NPAS3: variants seen among roughly 807,000 people sequenced by gnomAD.
The protein encoded by NPAS3 is neuronal PAS domain protein 3.
NPAS3 carries 14 observed loss-of-function variants against 73.1 expected under a neutral mutation model. The observed-to-expected ratio is 0.19, with a 90% CI of 0.13 to 0.30. NPAS3 has a LOEUF of 0.30. NPAS3 is among the 10% of genes least tolerant of loss of function. The pLI is 1.00. For missense variants in NPAS3, 1,096 were observed against 1,250.0 expected (o/e 0.88, Z 1.86); for synonymous variants, 620 against 541.5 (o/e 1.14, Z -2.01).
rs1455988699 is a variant in NPAS3 at position 33,734,479 on chromosome 14, C to T, written c.734-735C>T. ...GTACATAAAAGGAAAGAGTGACTAT[C>T]TTGTTTAAGAGAGAAAATCATTATT... On this transcript the variant is annotated intron_variant, in intron 6 of 11. Coordinates refer to ENST00000356141, the Ensembl canonical transcript of NPAS3. 7.9e-5 allele frequency among the ~76,000 whole-genome samples: 12 copies of T among 151,998 alleles called. No homozygotes were observed. The East Asian group carries it at 2.3e-3, about 29-fold the overall frequency.
At chr14:33,794,610 A>ATTT (rs5807747) in intron 10 of NPAS3, among the ~76,000 whole-genome samples, 62,280 of 143,006 alleles carry the variant, frequency 0.44, 14,281 homozygotes, top group East Asian at 0.53. Context: ...AATGAAGGCA[A>ATTT]TTTTTTTTTT....
At chr14:33,640,324 G>C (rs981514046) in intron 5 of NPAS3, among the ~76,000 whole-genome samples, 3 of 152,056 alleles carry the variant, frequency 2.0e-5, no homozygotes, top group Admixed American at 2.0e-4. Context: ...AAAACACATT[G>C]TACCCATCAG....
At chr14:32,974,657 T>C (rs1476971122) in intron 1 of NPAS3, among the ~76,000 whole-genome samples, 5 of 152,172 alleles carry the variant, frequency 3.3e-5, no homozygotes, top group Non-Finnish European at 5.9e-5. Context: ...TTAGTCTCTT[T>C]CACATGGATA....
chr14:33,402,716 T>C (rs930818841), intron 4 of NPAS3, among the ~76,000 whole-genome samples: 2 of 152,196 alleles, frequency 1.3e-5, no homozygotes, highest in African/African-American at 4.8e-5. Flanking sequence ...CTATAGTTCT[T>C]ATTTTTATTC....
chr14:33,469,606 A>G (rs867575563), intron 4 of NPAS3, among the ~76,000 whole-genome samples: 1 of 152,204 alleles, frequency 6.6e-6, no homozygotes, highest in South Asian at 2.1e-4. Flanking sequence ...ATTCTAGGAT[A>G]AGGAAAAAAT....
At chr14:33,773,369 G>A (rs1471384330) in intron 7 of NPAS3, among the ~76,000 whole-genome samples, 1 of 152,158 alleles carries the variant, frequency 6.6e-6, no homozygotes, top group Non-Finnish European at 1.5e-5. Context: ...CACTATAGCA[G>A]AGTCGTGGGA....
chr14:33,534,016 C>G (rs2054152251), intron 4 of NPAS3, among the ~76,000 whole-genome samples: 2 of 151,970 alleles, frequency 1.3e-5, no homozygotes, highest in Non-Finnish European at 2.9e-5. Context: ...GTTACCAAAT[C>G]TTTTTGTCAT....
At chr14:33,519,222 C>T (rs191151511) in intron 4 of NPAS3, among the ~76,000 whole-genome samples, 83 of 152,216 alleles carry the variant, frequency 5.5e-4, no homozygotes, top group Middle Eastern at 3.4e-3. Context: ...TCCTTTTGTG[C>T]GAGTTTCCCT....
chr14:33,579,343 T>A (rs747622707), intron 5 of NPAS3, among the ~76,000 whole-genome samples: 13 of 152,208 alleles, frequency 8.5e-5, no homozygotes, highest in Non-Finnish European at 1.6e-4. Context: ...CCTTTACAGC[T>A]AGAGAAGCAT....
intron 5 of NPAS3, among the ~76,000 whole-genome samples, chr14:33,674,424 C>A (rs1331258783): frequency 6.6e-6 from 1 of 152,214 alleles, no homozygotes; most frequent in Non-Finnish European, 1.5e-5. Flanking sequence ...AACAAAATAA[C>A]CATCATCAAG....
At chr14:33,545,396 G>A (rs1566990432) in intron 4 of NPAS3, among the ~76,000 whole-genome samples, 2 of 152,132 alleles carry the variant, frequency 1.3e-5, no homozygotes, top group African/African-American at 2.4e-5. Context: ...TTATATACCT[G>A]CTGTACGATG....
intron 3 of NPAS3, among the ~76,000 whole-genome samples, chr14:33,228,598 C>G (rs1421398875): frequency 6.6e-6 from 1 of 152,016 alleles, no homozygotes; most frequent in Admixed American, 6.6e-5. Flanking sequence ...TTAATTTACT[C>G]ACCTATTCAT....
chr14:33,797,078 G>A (rs908472672), intron 10 of NPAS3, among the ~76,000 whole-genome samples: 1 of 152,148 alleles, frequency 6.6e-6, no homozygotes, highest in East Asian at 1.9e-4. Context: ...GACTCATTAG[G>A]AGCCCAAGAG....
intron 5 of NPAS3, among the ~76,000 whole-genome samples, chr14:33,607,099 G>A (rs1334263551): frequency 6.6e-6 from 1 of 152,138 alleles, no homozygotes; most frequent in Non-Finnish European, 1.5e-5. Flanking sequence ...ACATTGTTGA[G>A]AAAAATAGTT....
At chr14:32,974,320 GA>G (rs2139341805) in intron 1 of NPAS3, among the ~76,000 whole-genome samples, 1 of 152,266 alleles carries the variant, frequency 6.6e-6, no homozygotes, top group African/African-American at 2.4e-5. Flanking sequence ...CTTTCCATTG[GA>G]AAAATGGTGA....
At chr14:33,589,682 A>T (rs1477084897) in intron 5 of NPAS3, among the ~76,000 whole-genome samples, 3 of 152,014 alleles carry the variant, frequency 2.0e-5, no homozygotes. Context: ...CATACTTGAA[A>T]AAAAGATATA....
At chr14:33,801,091 G>T in exon 12 of NPAS3, 1 of 1,587,374 alleles carries the variant, frequency 6.3e-7, no homozygotes, top group East Asian at 2.3e-5. Context: ...CACAGACTCT[G>T]GAGCGCAAGG....
chr14:33,165,705 CTT>C (rs369772305), intron 2 of NPAS3, among the ~76,000 whole-genome samples: 1 of 146,362 alleles, frequency 6.8e-6, no homozygotes, highest in Non-Finnish European at 1.5e-5. Flanking sequence ...TACTTCCTCT[CTT>C]TTTTTTTTTA....
intron 6 of NPAS3, among the ~76,000 whole-genome samples, chr14:33,719,052 C>A (rs919992429): frequency 6.6e-6 from 1 of 152,094 alleles, no homozygotes; most frequent in African/African-American, 2.4e-5. Context: ...TGCTTGATCC[C>A]AGGAGGTCAA....
Sources: allele counts gnomAD v4.1 joint callset (sites outside exome capture counted in the v4.1 genomes callset), GRCh38; gene constraint gnomAD v4.1.1; transcripts MANE v1.5; gene names NCBI Gene and HGNC (gene_info 2026-07-23, HGNC 2026-07-21).